CTNNA3: variants seen among roughly 807,000 people sequenced by gnomAD.
CTNNA3 encodes catenin alpha 3, also known as catenin alpha-3.
Under a neutral mutation model 95.7 loss-of-function variants are expected in CTNNA3, and 76 were observed. That is an observed-to-expected ratio of 0.79 (90% CI 0.66 to 0.96). The LOEUF is 0.96. CTNNA3 is among the 40% of genes least tolerant of loss of function. The probability of loss-of-function intolerance (pLI) is 0.00; values close to 1 mark genes in which losing one functional copy is unlikely to be tolerated. For synonymous variants in CTNNA3, 431 were observed against 374.4 expected, an observed-to-expected ratio of 1.15 and a Z score of -1.74; for missense variants, 1,191 against 1,089.8, an observed-to-expected ratio of 1.09 and a Z score of -1.31.
chr10:66,505,419 A>G (rs1470719869), intron 11 of CTNNA3, among the ~76,000 whole-genome samples: 4 of 152,178 alleles, frequency 2.6e-5, no homozygotes, highest in African/African-American at 9.7e-5. Flanking sequence ...AGTCTCCACA[A>G]TGATCCCTGA....
chr10:66,113,857 A>G (rs923652020), intron 13 of CTNNA3, among the ~76,000 whole-genome samples: 42 of 152,162 alleles, frequency 2.8e-4, no homozygotes, highest in African/African-American at 9.9e-4. Flanking sequence ...GGATGATGTG[A>G]GGGTTCTTCA....
chr10:66,919,800 G>A (rs1235242945), intron 7 of CTNNA3, among the ~76,000 whole-genome samples: 1 of 152,100 alleles, frequency 6.6e-6, no homozygotes, highest in African/African-American at 2.4e-5. Flanking sequence ...ATGTAGACAT[G>A]CATATGAGTA....
intron 9 of CTNNA3, among the ~76,000 whole-genome samples, chr10:66,704,073 C>T (rs1848040118): frequency 1.3e-5 from 2 of 152,076 alleles, no homozygotes; most frequent in African/African-American, 4.8e-5. Flanking sequence ...CATTAAGTGA[C>T]AAGTGTTCAC....
chr10:66,779,872 C>T (rs534983554), intron 7 of CTNNA3, among the ~76,000 whole-genome samples: 2 of 152,240 alleles, frequency 1.3e-5, no homozygotes, highest in African/African-American at 2.4e-5. Flanking sequence ...AAGAACTAGT[C>T]GCTGCCTTTC....
chr10:66,325,971 A>G (rs1012349952), intron 12 of CTNNA3, among the ~76,000 whole-genome samples: 4 of 152,156 alleles, frequency 2.6e-5, no homozygotes, highest in Admixed American at 6.5e-5. Context: ...CCACTGTTGA[A>G]AAATGGCTGA....
chr10:67,632,126 CCACACACACACACA>C (rs71006156), intron 2 of CTNNA3, among the ~76,000 whole-genome samples: 1,606 of 139,060 alleles, frequency 0.012, 13 homozygotes, highest in Non-Finnish European at 0.02. Context: ...AGTGTCTTAG[CCACACACACACACA>C]CACACACACA....
chr10:66,801,423 T>C (rs1240522406), intron 7 of CTNNA3, among the ~76,000 whole-genome samples: 2 of 151,548 alleles, frequency 1.3e-5, no homozygotes, highest in Non-Finnish European at 3.0e-5. Context: ...AGCCAGATCA[T>C]AGGCTGCAAG....
intron 12 of CTNNA3, among the ~76,000 whole-genome samples, chr10:66,358,797 T>C (rs1426633679): frequency 6.6e-6 from 1 of 152,206 alleles, no homozygotes. Context: ...AGGAAGAACA[T>C]ACTTTCTTTT....
At chr10:67,602,200 A>AC (rs1843104307) in intron 3 of CTNNA3, among the ~76,000 whole-genome samples, 1 of 151,590 alleles carries the variant, frequency 6.6e-6, no homozygotes, top group South Asian at 2.1e-4. Context: ...TTTAAAAAAA[A>AC]AAAAACTCAA....
At chr10:67,709,021 C>T (rs1329480664) in intron 1 of CTNNA3, among the ~76,000 whole-genome samples, 2 of 151,502 alleles carry the variant, frequency 1.3e-5, no homozygotes, top group Non-Finnish European at 2.9e-5. Context: ...ATTTGCATTT[C>T]ATTATATAAA....
At chr10:66,274,469 A>G (rs1014964499) in intron 13 of CTNNA3, among the ~76,000 whole-genome samples, 12 of 152,174 alleles carry the variant, frequency 7.9e-5, no homozygotes, top group African/African-American at 2.9e-4. Context: ...GAGAACCTCC[A>G]TACATTAGAA....
chr10:67,174,125 T>C (rs1375244434), intron 7 of CTNNA3, among the ~76,000 whole-genome samples: 1 of 152,208 alleles, frequency 6.6e-6, no homozygotes, highest in Non-Finnish European at 1.5e-5. Context: ...AAAAATTATT[T>C]CATTCTCCTC....
intron 1 of CTNNA3, among the ~76,000 whole-genome samples, chr10:67,722,651 C>T (rs752225640): frequency 7.9e-5 from 12 of 152,214 alleles, no homozygotes; most frequent in Non-Finnish European, 1.6e-4. Context: ...GCACTAACGC[C>T]TCCAGAAATG....
At position 67,709,794 on chromosome 10, in the gene CTNNA3, G is replaced by A. The variant is rs145321975; in HGVS notation, c.-2+53640C>T. Among the ~76,000 whole-genome samples, 563 of 152,108 alleles carry A rather than the reference G, an allele frequency of 3.7e-3. 3 individuals are homozygous for A. Among genetic ancestry groups the A allele is most frequent in the African/African-American group, 0.013 (537 of 41,494 alleles). On this transcript the variant is annotated intron_variant, in intron 1 of 17. Transcript: ENST00000684154. ...TTCAGTGACCCCACTCTGGTCACTG[G>A]CTATAAATTCCCACTTGCCCATGCT...
At chr10:67,260,873 T>TG (rs1265260257) in intron 5 of CTNNA3, among the ~76,000 whole-genome samples, 2 of 152,014 alleles carry the variant, frequency 1.3e-5, no homozygotes, top group Non-Finnish European at 2.9e-5. Context: ...TTAGTAGAGA[T>TG]GGGGTTTCTC....
intron 11 of CTNNA3, among the ~76,000 whole-genome samples, chr10:66,509,974 T>C (rs1278402033): frequency 6.6e-6 from 1 of 151,990 alleles, no homozygotes; most frequent in African/African-American, 2.4e-5. Flanking sequence ...ACTGAATCTG[T>C]AGACTGCCTT....
chr10:66,353,449 A>G (rs2092582450), intron 12 of CTNNA3, among the ~76,000 whole-genome samples: 1 of 152,138 alleles, frequency 6.6e-6, no homozygotes, highest in African/African-American at 2.4e-5. Context: ...ATCTGTTGGT[A>G]TGCACAAAAA....
intron 7 of CTNNA3, among the ~76,000 whole-genome samples, chr10:66,974,400 G>A (rs1469270969): frequency 6.6e-6 from 1 of 152,176 alleles, no homozygotes; most frequent in Non-Finnish European, 1.5e-5. Flanking sequence ...GCATTCACCT[G>A]TTGGTGTTGA....
At chr10:67,367,589 C>G (rs1319324319) in intron 5 of CTNNA3, among the ~76,000 whole-genome samples, 3 of 152,150 alleles carry the variant, frequency 2.0e-5, no homozygotes, top group African/African-American at 7.2e-5. Context: ...GACAATTATT[C>G]ATTCAACCAA....
Sources: allele counts gnomAD v4.1 joint callset (sites outside exome capture counted in the v4.1 genomes callset), GRCh38; gene constraint gnomAD v4.1.1; transcripts MANE v1.5; gene names NCBI Gene and HGNC (gene_info 2026-07-23, HGNC 2026-07-21).